Variants in MAML3 observed in about 807,000 individuals in gnomAD.
MAML3 encodes mastermind-like protein 3.
In MAML3, 27 loss-of-function variants were observed where a neutral mutation model predicts 101.9. That is an observed-to-expected ratio of 0.27 (90% CI 0.20 to 0.37). The LOEUF (loss-of-function observed/expected upper bound fraction) is 0.37. Among genes scored for constraint, MAML3 ranks in the 10% least tolerant of loss-of-function variants. The probability of loss-of-function intolerance (pLI) is 1.00; values close to 1 mark genes in which losing one functional copy is unlikely to be tolerated. For missense variants in MAML3, 1,316 were observed against 1,444.9 expected, an observed-to-expected ratio of 0.91 and a Z score of 1.45; for synonymous variants, 501 against 555.9, an observed-to-expected ratio of 0.90 and a Z score of 1.39.
At chr4:139,820,993 A>G (rs1293394597) in intron 2 of MAML3, among the ~76,000 whole-genome samples, 2 of 152,228 alleles carry the variant, frequency 1.3e-5, no homozygotes, top group African/African-American at 4.8e-5. Context: ...CATGTGTTCC[A>G]TAGTAATTTC....
At chr4:139,984,178 G>A (rs1734495062) in intron 1 of MAML3, among the ~76,000 whole-genome samples, 1 of 152,140 alleles carries the variant, frequency 6.6e-6, no homozygotes, top group Non-Finnish European at 1.5e-5. Context: ...GGTAAGATCA[G>A]TTATTGCTGA....
At chr4:139,813,557 C>T (rs1730840558) in intron 2 of MAML3, among the ~76,000 whole-genome samples, 1 of 152,206 alleles carries the variant, frequency 6.6e-6, no homozygotes, top group South Asian at 2.1e-4. Flanking sequence ...TCTATTTGGT[C>T]AGACATGTGA....
rs772679392 is a variant in MAML3 at position 139,720,261 on chromosome 4, G to T, written c.2479C>A (p.Arg827=). 4 of 1,593,366 alleles carry T rather than the reference G, an allele frequency of 2.5e-6. No homozygotes were observed. The highest frequency in any genetic ancestry group is 3.4e-6 in the Non-Finnish European group (4 of 1,167,442). ...ATGCCTGCGTTCTGTGCCATCAGCCGTGACGTTCGCATGCTCTGGAGGGCT... is the reference window on the plus strand; with the variant it reads ...ATGCCTGCGTTCTGTGCCATCAGCCTTGACGTTCGCATGCTCTGGAGGGCT... ...QAALQSMRTS[R]LMAQNAGMMG... is the part of the protein sequence containing the mutation. Residue 827 remains arginine, a synonymous_variant, in exon 5 of 5, where the codon CGG becomes AGG. Transcript: ENST00000509479.
chr4:140,139,947 C>A (rs1044786736), intron 1 of MAML3, among the ~76,000 whole-genome samples: 1 of 152,158 alleles, frequency 6.6e-6, no homozygotes, highest in African/African-American at 2.4e-5. Context: ...CTCAGAGGGA[C>A]AGTAGAGTAG....
At chr4:139,828,335 G>A (rs1273466895) in intron 2 of MAML3, among the ~76,000 whole-genome samples, 2 of 152,220 alleles carry the variant, frequency 1.3e-5, no homozygotes, top group African/African-American at 4.8e-5. Flanking sequence ...AGTCAAACAT[G>A]TCACCAAAGT....
chr4:140,134,491 C>A, intron 1 of MAML3: 1 of 390,286 alleles, frequency 2.6e-6, no homozygotes, highest in Non-Finnish European at 5.1e-6. Context: ...CACTTAAAAA[C>A]ATTTTTTCAA....
intron 2 of MAML3, among the ~76,000 whole-genome samples, chr4:139,801,886 A>G (rs947290070): frequency 6.6e-6 from 1 of 152,166 alleles, no homozygotes; most frequent in Admixed American, 6.5e-5. Context: ...AGGCTGCTGT[A>G]TAAGTCTAGG....
chr4:139,899,202 T>C (rs1352059665), intron 1 of MAML3, among the ~76,000 whole-genome samples: 1 of 152,182 alleles, frequency 6.6e-6, no homozygotes, highest in African/African-American at 2.4e-5. Flanking sequence ...GTGGTGTGAT[T>C]TTTTTAAGTA....
intron 1 of MAML3, among the ~76,000 whole-genome samples, chr4:140,046,691 A>G (rs1451266140): frequency 6.6e-6 from 1 of 152,156 alleles, no homozygotes; most frequent in Non-Finnish European, 1.5e-5. Context: ...GATGAGGAAG[A>G]CACAGCTCTG....
At chr4:139,723,026 C>A (rs1728299367) in intron 4 of MAML3, among the ~76,000 whole-genome samples, 1 of 152,202 alleles carries the variant, frequency 6.6e-6, no homozygotes, top group African/African-American at 2.4e-5. Flanking sequence ...TCAGCCATTT[C>A]TTTCTAATTT....
intron 1 of MAML3, among the ~76,000 whole-genome samples, chr4:140,046,300 G>GA (rs1203802725): frequency 6.6e-6 from 1 of 152,162 alleles, no homozygotes; most frequent in African/African-American, 2.4e-5. Context: ...AGTTTTGTGA[G>GA]AATGGGTCCC....
At chr4:139,925,855 A>T (rs903455788) in intron 1 of MAML3, among the ~76,000 whole-genome samples, 1 of 152,214 alleles carries the variant, frequency 6.6e-6, no homozygotes, top group African/African-American at 2.4e-5. Flanking sequence ...TAGAAGGCAA[A>T]GGAAGTGAAG....
chr4:139,900,235 G>A (rs906396385), intron 1 of MAML3, among the ~76,000 whole-genome samples: 4 of 152,210 alleles, frequency 2.6e-5, no homozygotes, highest in African/African-American at 4.8e-5. Flanking sequence ...TGGAACATGA[G>A]CACCCATCCA....
chr4:139,985,625 T>C (rs995874498), intron 1 of MAML3, among the ~76,000 whole-genome samples: 1 of 152,200 alleles, frequency 6.6e-6, no homozygotes, highest in Admixed American at 6.5e-5. Flanking sequence ...AAATAAGGAA[T>C]GCATAGATTC....
intron 2 of MAML3, among the ~76,000 whole-genome samples, chr4:139,884,700 A>G (rs1217061194): frequency 1.3e-5 from 2 of 152,208 alleles, no homozygotes; most frequent in Non-Finnish European, 2.9e-5. Context: ...ATCACCTCCT[A>G]TCAAAGGATT....
In MAML3 at chr4:139,718,511, C is replaced by A. The variant is rs1428455302; in HGVS notation, c.*812G>T. On this transcript the variant is annotated 3_prime_UTR_variant, in exon 5 of 5. Transcript: ENST00000509479. ...CTGCGGCCGCCAGAAGTAGATGTGA[C>A]CCACCTGGATGTATGGGTTTTGTAT... The A allele has an allele frequency of 2.6e-5, 4 of 152,302 alleles. No homozygotes were observed. The highest frequency in any genetic ancestry group is 2.0e-4 in the Admixed American group (3 of 15,288). 9.4% of individuals were successfully genotyped at this position (152,302 alleles called of 1,614,324 possible). A position where few individuals can be genotyped will look rare whatever the true frequency, so the allele number is the denominator to read the frequency against.
intron 2 of MAML3, among the ~76,000 whole-genome samples, chr4:139,858,127 C>A (rs1324220893): frequency 6.6e-6 from 1 of 152,206 alleles, no homozygotes; most frequent in East Asian, 1.9e-4. Context: ...GATTTCAAAA[C>A]CTTATGTGTA....
intron 1 of MAML3, among the ~76,000 whole-genome samples, chr4:139,919,261 G>A (rs77914167): frequency 0.017 from 2,573 of 152,272 alleles, 75 homozygotes; most frequent in African/African-American, 0.059. Context: ...GAAGGGGGAT[G>A]AAGGATCTCT....
At chr4:139,844,278 T>A (rs566655748) in intron 2 of MAML3, among the ~76,000 whole-genome samples, 10 of 152,318 alleles carry the variant, frequency 6.6e-5, no homozygotes, top group African/African-American at 2.4e-4. Context: ...AGTAGTTGCC[T>A]AAAGAATGAA....
Sources: gnomAD v4.1 joint callset for allele counts (sites outside exome capture counted in the v4.1 genomes callset) on GRCh38, gnomAD v4.1.1 for gene constraint, MANE v1.5 for transcripts, NCBI Gene and HGNC (gene_info 2026-07-23, HGNC 2026-07-21) for gene names.